Variants in SS18 observed in about 807,000 individuals in gnomAD.
The protein encoded by SS18 is SS18 subunit of BAF chromatin remodeling complex, also known as protein SSXT.
In SS18, 28 loss-of-function variants were observed where a neutral mutation model predicts 72.5. The ratio of observed to expected loss-of-function variants is 0.39; its 90% CI spans 0.29 to 0.53. The LOEUF (loss-of-function observed/expected upper bound fraction) is 0.53, where lower values mean the gene tolerates loss of function less well. Ranked by LOEUF, SS18 falls within the 20% of genes least tolerant of loss-of-function variation. The pLI is 0.76. For missense variants in SS18, 518 were observed against 535.3 expected (o/e 0.97, Z 0.32); for synonymous variants, 172 against 164.2 (o/e 1.05, Z -0.37).
intron 2 of SS18, chr18:26,082,428 A>G: frequency 1.0e-6 from 1 of 975,640 alleles, no homozygotes; most frequent in Non-Finnish European, 1.2e-6. Flanking sequence ...TATCTTCCAA[A>G]CTACAGATTT....
intron 5 of SS18, among the ~76,000 whole-genome samples, chr18:26,051,956 C>T (rs1421708920): frequency 6.7e-6 from 1 of 149,734 alleles, no homozygotes; most frequent in Non-Finnish European, 1.5e-5. Context: ...TTAATTCTAT[C>T]TTACAGTCTT....
chr18:26,070,478 A>G (rs1324916434), intron 3 of SS18, among the ~76,000 whole-genome samples: 1 of 152,240 alleles, frequency 6.6e-6, no homozygotes, highest in Non-Finnish European at 1.5e-5. Context: ...CTGTTAAAAT[A>G]TGTGTAAGGT....
chr18:26,029,844 T>C (rs2053514142), intron 10 of SS18, among the ~76,000 whole-genome samples: 1 of 152,212 alleles, frequency 6.6e-6, no homozygotes, highest in Non-Finnish European at 1.5e-5. Context: ...AATAGGTCTT[T>C]GGGTGGGGGC....
intron 3 of SS18, among the ~76,000 whole-genome samples, chr18:26,061,608 G>A (rs951875020): frequency 1.3e-5 from 2 of 150,972 alleles, no homozygotes; most frequent in African/African-American, 2.4e-5. Context: ...TTTTTCATCA[G>A]AAATAATAGA....
At chr18:26,078,456 G>C (rs985627174) in intron 2 of SS18, 3 of 236,212 alleles carry the variant, frequency 1.3e-5, no homozygotes, top group Non-Finnish European at 2.4e-5. Flanking sequence ...TTACAGATGA[G>C]AAACTAATGT....
chr18:26,025,627 C>T (rs930137898), intron 10 of SS18, among the ~76,000 whole-genome samples: 1 of 151,888 alleles, frequency 6.6e-6, no homozygotes, highest in Non-Finnish European at 1.5e-5. Flanking sequence ...ACACACAAAA[C>T]ATTTACTCAA....
chr18:26,044,176 T>C (rs1049669043), intron 5 of SS18, among the ~76,000 whole-genome samples: 1 of 152,170 alleles, frequency 6.6e-6, no homozygotes, highest in Non-Finnish European at 1.5e-5. Flanking sequence ...ATTAAACACA[T>C]ATTTTTTAAA....
chr18:26,031,451 T>TA (rs1255112092), intron 10 of SS18, among the ~76,000 whole-genome samples: 5 of 152,298 alleles, frequency 3.3e-5, no homozygotes, highest in Admixed American at 1.3e-4. Context: ...AGTTCCTTGT[T>TA]AAAAAATAAC....
Position 26,035,766 on chromosome 18 carries a change from T to A in SS18, c.973+65A>T. The A allele has an allele frequency of 1.7e-6, 2 of 1,169,534 alleles. No homozygotes were observed. The highest frequency in any genetic ancestry group is 2.4e-6 in the Non-Finnish European group (2 of 831,960). The allele number at this position is 1,169,534 out of a possible 1,614,324, so 72.4% of individuals were successfully genotyped here. A position where few individuals can be genotyped will look rare whatever the true frequency, so the allele number is the denominator to read the frequency against. ...CTTTGCATGGGTAGAAGTTGTCTTA[T>A]GCAAGAATTTTCATTCCTGTAGAAG... On this transcript the variant is annotated intron_variant, in intron 8 of 10. Coordinates refer to ENST00000415083, the MANE Select transcript of SS18 (RefSeq NM_001007559.3). This position sits in a 1 kb window ranked among gnomAD's most constrained non-coding sequence, Gnocchi z 4.4.
chr18:26,060,566 A>G (rs8095074), intron 3 of SS18, among the ~76,000 whole-genome samples: 8,490 of 127,324 alleles, frequency 0.067, 275 homozygotes, highest in East Asian at 0.16. Flanking sequence ...TATCTCAATT[A>G]AAAAAAGAAT....
At chr18:26,045,766 A>C (rs2053808973) in intron 5 of SS18, among the ~76,000 whole-genome samples, 1 of 152,180 alleles carries the variant, frequency 6.6e-6, no homozygotes, top group Admixed American at 6.5e-5. Context: ...TAGGGAAAAA[A>C]ATCATAATTA....
In SS18 at chr18:26,032,537, A is replaced by G; in HGVS notation, c.1097-5T>C. On this transcript the variant is annotated splice_region_variant and splice_polypyrimidine_tract_variant and intron_variant, in intron 9 of 10. Coordinates refer to ENST00000415083, the MANE Select transcript of SS18 (RefSeq NM_001007559.3). ...CTGGACCACCCTGTGAAGGACCTGA[A>G]AATAATGTACACAACAAAAACCCAC... 2 of 1,613,346 alleles carry G rather than the reference A, an allele frequency of 1.2e-6. No individual in the cohort carries two copies. The highest frequency in any genetic ancestry group is 1.7e-6 in the Non-Finnish European group (2 of 1,179,630).
intron 9 of SS18, among the ~76,000 whole-genome samples, chr18:26,033,409 G>A (rs1452880661): frequency 6.6e-6 from 1 of 151,808 alleles, no homozygotes; most frequent in Non-Finnish European, 1.5e-5. Context: ...AGCTACTCGG[G>A]AGGTTGACAG....
At chr18:26,043,652 G>C (rs1358459373) in intron 5 of SS18, among the ~76,000 whole-genome samples, 1 of 152,104 alleles carries the variant, frequency 6.6e-6, no homozygotes, top group Non-Finnish European at 1.5e-5. Context: ...TCCACATCAA[G>C]AATTTTTAGT....
intron 3 of SS18, among the ~76,000 whole-genome samples, chr18:26,061,615 T>C (rs180875969): frequency 4.7e-4 from 71 of 149,850 alleles, no homozygotes; most frequent in African/African-American, 1.3e-3. Flanking sequence ...TCAGAAATAA[T>C]AGAAAATGAA....
At chr18:26,059,039 T>C (rs2054074056) in intron 3 of SS18, among the ~76,000 whole-genome samples, 1 of 152,054 alleles carries the variant, frequency 6.6e-6, no homozygotes, top group African/African-American at 2.4e-5. Flanking sequence ...CCAAATTTTC[T>C]GTTAAAAATT....
At chr18:26,088,113 C>A (rs565356649) in intron 1 of SS18, among the ~76,000 whole-genome samples, 25 of 152,284 alleles carry the variant, frequency 1.6e-4, no homozygotes, top group Non-Finnish European at 1.6e-4. Context: ...CGTGTTTAAT[C>A]AATAATGTTT....
intron 5 of SS18, among the ~76,000 whole-genome samples, chr18:26,050,385 G>A (rs1443194743): frequency 6.6e-6 from 1 of 151,830 alleles, no homozygotes; most frequent in Non-Finnish European, 1.5e-5. Context: ...AACTTTCAAT[G>A]TAAAATATGC....
intron 10 of SS18, among the ~76,000 whole-genome samples, chr18:26,030,490 G>A (rs1016610313): frequency 2.6e-5 from 4 of 152,170 alleles, no homozygotes; most frequent in African/African-American, 9.7e-5. Flanking sequence ...CTACACTTAA[G>A]TTCATAAAGA....
Sources: gnomAD v4.1 joint callset for allele counts (sites outside exome capture counted in the v4.1 genomes callset) on GRCh38, gnomAD v4.1.1 for gene constraint, Gnocchi (gnomAD v3.1) non-coding constraint, MANE v1.5 for transcripts, NCBI Gene and HGNC (gene_info 2026-07-23, HGNC 2026-07-21) for gene names.